The following QSER1 variants were observed in gnomAD, a reference collection of about 807,000 sequenced individuals.
QSER1 encodes the protein glutamine and serine rich 1.
In QSER1, 49 loss-of-function variants were observed where a neutral mutation model predicts 158.5. The ratio of observed to expected loss-of-function variants is 0.31; its 90% CI spans 0.25 to 0.39. The LOEUF (loss-of-function observed/expected upper bound fraction) is 0.39, where lower values mean the gene tolerates loss of function less well. Among genes scored for constraint, QSER1 ranks in the 10% least tolerant of loss-of-function variants. The probability of loss-of-function intolerance (pLI) is 1.00; values close to 1 mark genes in which losing one functional copy is unlikely to be tolerated. For synonymous variants in QSER1, 650 were observed against 715.5 expected, an observed-to-expected ratio of 0.91 and a Z score of 1.46; for missense variants, 1,754 against 2,010.3, an observed-to-expected ratio of 0.87 and a Z score of 2.44.
intron 1 of QSER1, among the ~76,000 whole-genome samples, chr11:32,909,786 T>C (rs935758063): frequency 1.3e-5 from 2 of 152,130 alleles, no homozygotes; most frequent in African/African-American, 2.4e-5. Flanking sequence ...CAATTTCTCA[T>C]GAAACTTGGA....
At chr11:32,919,811 G>A (rs1199303202) in intron 1 of QSER1, among the ~76,000 whole-genome samples, 4 of 152,152 alleles carry the variant, frequency 2.6e-5, no homozygotes, top group Admixed American at 6.5e-5. Context: ...TTATCAGTAT[G>A]GACCCATGGA....
chr11:32,963,728 A>T (rs775366692), intron 8 of QSER1, among the ~76,000 whole-genome samples: 9 of 152,158 alleles, frequency 5.9e-5, no homozygotes, highest in Non-Finnish European at 1.0e-4. Context: ...GCATGGTGTA[A>T]TCATAATTCA....
At position 32,978,023 on chromosome 11, in the gene QSER1, T is replaced by G. The variant is rs1462524888; in HGVS notation, c.*1549T>G. The G allele has an allele frequency of 6.6e-6, 1 of 152,642 alleles. No homozygotes were observed. The highest frequency in any genetic ancestry group is 6.5e-5 in the Admixed American group (1 of 15,270). The allele number at this position is 152,642 out of a possible 1,614,324, so 9.5% of individuals were successfully genotyped here. On this transcript the variant is annotated 3_prime_UTR_variant, in exon 13 of 13. Transcript: ENST00000650167. ...AAGGTAATGTGATTTGATTTGAGAA[T>G]AAAACATTGTAGCATTGGGTGAAAA...
chr11:32,950,844 A>G (rs192280061), intron 4 of QSER1, among the ~76,000 whole-genome samples: 5 of 152,340 alleles, frequency 3.3e-5, no homozygotes, highest in Non-Finnish European at 5.9e-5. Context: ...TGTAGCATGT[A>G]TCAGTATCTG....
intron 4 of QSER1, among the ~76,000 whole-genome samples, chr11:32,946,892 G>T (rs1368313529): frequency 6.6e-6 from 1 of 152,194 alleles, no homozygotes; most frequent in African/African-American, 2.4e-5. Context: ...ACTCCGTGGG[G>T]TAGGACCCTC....
intron 10 of QSER1, among the ~76,000 whole-genome samples, 160 bp downstream of exon 10, chr11:32,969,303 G>A (rs1852807583): frequency 6.6e-6 from 1 of 152,092 alleles, no homozygotes; most frequent in Admixed American, 6.5e-5. Context: ...TCTGCTTAGT[G>A]TTAATCACTT....
chr11:32,974,073 A>C (rs1417129444), intron 11 of QSER1, among the ~76,000 whole-genome samples: 2 of 152,232 alleles, frequency 1.3e-5, no homozygotes, highest in South Asian at 4.1e-4. Context: ...ACATAGTATA[A>C]ATTGTTATAA....
In QSER1 at chr11:32,922,609, C is replaced by T. The variant is rs563692027; in HGVS notation, c.210-4548C>T. 2.0e-4 allele frequency among the ~76,000 whole-genome samples: 31 copies of T among 151,432 alleles called. 1 individual carries two copies. In the South Asian group the frequency reaches 4.8e-3, roughly 23 times the overall value. On this transcript the variant is annotated intron_variant, in intron 1 of 12. Coordinates refer to ENST00000650167, the MANE Select transcript of QSER1 (RefSeq NM_001076786.3). Reference sequence around the variant, plus strand: ...AATTGGTTTTCATGCCTCAGCCTCCCGAGTAGCTAGAATTACAGACCTGTG... The same window carrying T: ...AATTGGTTTTCATGCCTCAGCCTCCTGAGTAGCTAGAATTACAGACCTGTG...
chr11:32,943,116 G>T (rs1191145029), intron 4 of QSER1, among the ~76,000 whole-genome samples: 1 of 151,934 alleles, frequency 6.6e-6, no homozygotes, highest in East Asian at 1.9e-4. Flanking sequence ...TTGCTTATCA[G>T]CTTAAGGAGA....
At chr11:32,969,281 C>T in intron 10 of QSER1, 138 bp downstream of exon 10, 5 of 601,704 alleles carry the variant, frequency 8.3e-6, no homozygotes, top group Non-Finnish European at 1.4e-5. Context: ...CATTGTAAGT[C>T]CATTTAGTTT....
At chr11:32,908,879 G>T (rs1851728212) in intron 1 of QSER1, among the ~76,000 whole-genome samples, 1 of 152,110 alleles carries the variant, frequency 6.6e-6, no homozygotes, top group Admixed American at 6.5e-5. Flanking sequence ...AAATATATGG[G>T]CCAGGCACAG....
intron 8 of QSER1, among the ~76,000 whole-genome samples, chr11:32,959,987 A>G (rs1361561432): frequency 2.0e-5 from 3 of 152,114 alleles, no homozygotes; most frequent in Non-Finnish European, 2.9e-5. Flanking sequence ...GGCCGATCTC[A>G]AACTCCTGGG....
Position 32,934,168 on chromosome 11 carries a change from T to G in QSER1, c.2910T>G (p.Leu970=), listed in dbSNP as rs746615946. The change falls in exon 4 of 13, where the codon CTT becomes CTG. Residue 970 remains leucine, a synonymous_variant. Coordinates refer to ENST00000650167, the MANE Select transcript of QSER1 (RefSeq NM_001076786.3). ...TGTGTTTCCCAGAGGCAGTGCTTCT[T>G]AGTGATGAAAGAAATATTTTATCAA... is the stretch of plus-strand genomic sequence containing the variant. The part of the protein sequence containing the change: ...GSMCFPEAVL[L]SDERNILSNV... 1 of 1,614,076 alleles carries G rather than the reference T, an allele frequency of 6.2e-7. No individual in the cohort carries two copies. The highest frequency in any genetic ancestry group is 8.5e-7 in the Non-Finnish European group (1 of 1,180,000).
intron 1 of QSER1, among the ~76,000 whole-genome samples, chr11:32,920,982 C>G (rs972984850): frequency 6.6e-6 from 1 of 152,188 alleles, no homozygotes; most frequent in Non-Finnish European, 1.5e-5. Flanking sequence ...TTTGACCCAG[C>G]AATTTCACTC....
chr11:32,933,797 G>A lies in QSER1; in HGVS notation c.2539G>A (p.Ala847Thr), dbSNP rs767100347. ...PNHALGHGHQ[A>T]SLPNTQVLLD... The stretch of plus-strand genomic sequence containing the variant: ...TCATGCTTTAGGGCATGGCCATCAG[G>A]CATCTCTTCCTAATACACAGGTCCT... The change falls in exon 4 of 13, where the codon GCA becomes ACA. Residue 847 changes from alanine to threonine, a missense_variant. Ala to Thr is a moderately conservative substitution (Grantham distance 58). Coordinates refer to ENST00000650167, the MANE Select transcript of QSER1 (RefSeq NM_001076786.3). The A allele has an allele frequency of 6.2e-7, 1 of 1,613,882 alleles. No homozygotes were observed. Among genetic ancestry groups the A allele is most frequent in the Admixed American group, 1.7e-5 (1 of 59,988 alleles).
chr11:32,972,409 A>T (rs1462432035), intron 10 of QSER1, among the ~76,000 whole-genome samples: 1 of 46,368 alleles, frequency 2.2e-5, no homozygotes, highest in East Asian at 2.7e-4. Flanking sequence ...CCAGTGGCTT[A>T]TTTATTTATT....
At chr11:32,942,547 G>A (rs1590172045) in intron 4 of QSER1, among the ~76,000 whole-genome samples, 4 of 149,384 alleles carry the variant, frequency 2.7e-5, no homozygotes, top group Admixed American at 1.3e-4. Flanking sequence ...AGTTGTAGAT[G>A]TGCGGCATTA....
intron 1 of QSER1, among the ~76,000 whole-genome samples, chr11:32,899,906 A>G (rs1278887989): frequency 6.6e-6 from 1 of 152,126 alleles, no homozygotes; most frequent in African/African-American, 2.4e-5. Context: ...TTGAATAGGT[A>G]TTTCCAAAAT....
chr11:32,940,327 G>A (rs1421440460), intron 4 of QSER1, among the ~76,000 whole-genome samples: 1 of 152,092 alleles, frequency 6.6e-6, no homozygotes, highest in African/African-American at 2.4e-5. Flanking sequence ...CTTTTGTGTT[G>A]TATAGTTTTG....
Sources: gnomAD v4.1 joint callset for allele counts (sites outside exome capture counted in the v4.1 genomes callset) on GRCh38, gnomAD v4.1.1 for gene constraint, MANE v1.5 for transcripts, NCBI Gene and HGNC (gene_info 2026-07-23, HGNC 2026-07-21) for gene names.